Variants in WWC1 observed in about 807,000 individuals in gnomAD.
WWC1 encodes protein KIBRA.
A neutral mutation model predicts 138.4 loss-of-function variants in WWC1; 55 were observed. The ratio of observed to expected loss-of-function variants is 0.40; its 90% CI spans 0.32 to 0.50. The LOEUF is 0.50. Among genes scored for constraint, WWC1 ranks in the 20% least tolerant of loss-of-function variants. The pLI, the probability that WWC1 is intolerant of heterozygous loss-of-function variation, is 0.72. For missense variants in WWC1, 1,226 were observed against 1,420.4 expected (o/e 0.86, Z 2.20); for synonymous variants, 524 against 564.9 (o/e 0.93, Z 1.03).
chr5:168,319,321 G>A (rs896885275), intron 1 of WWC1, among the ~76,000 whole-genome samples: 1 of 152,110 alleles, frequency 6.6e-6, no homozygotes, highest in African/African-American at 2.4e-5. Flanking sequence ...TCGGGAGGCC[G>A]AGGCAGGAGA....
chr5:168,441,171 G>A (rs999179650), intron 15 of WWC1, among the ~76,000 whole-genome samples: 1 of 152,130 alleles, frequency 6.6e-6, no homozygotes, highest in African/African-American at 2.4e-5. Context: ...GTCACAAAAA[G>A]ACAAATGCTA....
intron 17 of WWC1, among the ~76,000 whole-genome samples, chr5:168,450,433 C>T (rs12651767): frequency 0.32 from 48,785 of 151,894 alleles, 9,497 homozygotes; most frequent in African/African-American, 0.53. Flanking sequence ...TTTGGGAGGC[C>T]GAGGTGGGTG....
chr5:168,351,868 T>A (rs1460091374), intron 1 of WWC1, among the ~76,000 whole-genome samples: 7 of 152,166 alleles, frequency 4.6e-5, no homozygotes, highest in Non-Finnish European at 1.0e-4. Flanking sequence ...CACTCAGAAC[T>A]GAGACGGGTG....
At chr5:168,367,426 G>A (rs1419343193) in intron 1 of WWC1, among the ~76,000 whole-genome samples, 1 of 151,754 alleles carries the variant, frequency 6.6e-6, no homozygotes, top group African/African-American at 2.4e-5. Flanking sequence ...CCGCCTCCCG[G>A]GTTCACGCCA....
chr5:168,418,875 G>A (rs1032008446), intron 9 of WWC1, among the ~76,000 whole-genome samples: 5 of 152,046 alleles, frequency 3.3e-5, no homozygotes, highest in African/African-American at 9.7e-5. Flanking sequence ...TGTTTATTAC[G>A]GGTTCCATCT....
intron 1 of WWC1, among the ~76,000 whole-genome samples, chr5:168,336,623 A>G (rs1196820225): frequency 1.3e-5 from 2 of 150,408 alleles, no homozygotes; most frequent in Non-Finnish European, 2.9e-5. Flanking sequence ...CATCCTCCTC[A>G]GGACCCCGGC....
In WWC1 at chr5:168,385,288, G is replaced by A. The variant is rs1777956364; in HGVS notation, c.307G>A (p.Ala103Thr). ...EHMLKDYLVVAQEALSAQKEI... is the reference protein window; with the variant it reads ...EHMLKDYLVVTQEALSAQKEI... ...TATGCTGAAGGATTACCTGGTGGTGGCCCAGGAGGCTCTGAGTGCACAAAA... is the reference window on the plus strand; with the variant it reads ...TATGCTGAAGGATTACCTGGTGGTGACCCAGGAGGCTCTGAGTGCACAAAA... Residue 103 changes from alanine to threonine, a missense_variant, in exon 3 of 23, where the codon GCC becomes ACC. Ala to Thr is a moderately conservative substitution (Grantham distance 58). This residue lies in a region of WWC1 where 1,016 missense variants were observed against 1,153.9 expected (regional missense o/e 0.88). Transcript: ENST00000265293. 6.2e-7 allele frequency: 1 copy of A among 1,614,052 alleles called. No individual in the cohort carries two copies. The highest frequency in any genetic ancestry group is 8.5e-7 in the Non-Finnish European group (1 of 1,180,000).
intron 1 of WWC1, among the ~76,000 whole-genome samples, chr5:168,327,177 G>T (rs865843157): frequency 3.3e-5 from 5 of 152,316 alleles, no homozygotes; most frequent in Middle Eastern, 3.4e-3. Flanking sequence ...AATTGCTCAT[G>T]GTTCTCCAGT....
At position 168,328,949 on chromosome 5, in the gene WWC1, C is replaced by T. The variant is rs542059304; in HGVS notation, c.119+36678C>T. On this transcript the variant is annotated intron_variant, in intron 1 of 22. Coordinates refer to ENST00000265293, the MANE Select transcript of WWC1 (RefSeq NM_015238.3). The stretch of plus-strand genomic sequence containing the variant: ...CCTCAGTCAGCACAGCTGGCATCCA[C>T]CTGTCTGGGCTCCACCCCTCATCCA... Among the ~76,000 whole-genome samples the T allele has an allele frequency of 9.2e-5, 14 of 152,338 alleles. No homozygotes were observed. The East Asian group carries it at 2.7e-3, about 29-fold the overall frequency.
At chr5:168,438,205 T>G (rs1018456374) in intron 15 of WWC1, among the ~76,000 whole-genome samples, 1 of 152,118 alleles carries the variant, frequency 6.6e-6, no homozygotes, top group Non-Finnish European at 1.5e-5. Flanking sequence ...GTCCCAGACC[T>G]AGCACAGCCC....
In WWC1 at chr5:168,316,121, A is replaced by G. The variant is rs77362646; in HGVS notation, c.119+23850A>G. On this transcript the variant is annotated intron_variant, in intron 1 of 22. Transcript: ENST00000265293. Reference sequence around the variant, plus strand: ...GAACTATTGGACCATGAAACTCCCAAGAGTCCTTCCCCCTCAGCGTTTCTC... The same window carrying G: ...GAACTATTGGACCATGAAACTCCCAGGAGTCCTTCCCCCTCAGCGTTTCTC... Among the ~76,000 whole-genome samples, 366 of 152,270 alleles carry G rather than the reference A, an allele frequency of 2.4e-3. 14 individuals carry two copies. The East Asian group carries it at 0.064, about 26-fold the overall frequency.
chr5:168,322,974 G>T (rs974782598), intron 1 of WWC1, among the ~76,000 whole-genome samples: 2 of 152,196 alleles, frequency 1.3e-5, no homozygotes, highest in African/African-American at 4.8e-5. Flanking sequence ...ACAGTGTCCA[G>T]CCAACAGTAG....
At chr5:168,394,453 G>A (rs546473214) in intron 3 of WWC1, among the ~76,000 whole-genome samples, 43 of 152,218 alleles carry the variant, frequency 2.8e-4, no homozygotes, top group African/African-American at 7.7e-4. Context: ...GGGGCCGGGC[G>A]TGGTGGCTCA....
At chr5:168,297,626 C>CAAAAAAA (rs70976474) in intron 1 of WWC1, among the ~76,000 whole-genome samples, 6 of 54,770 alleles carry the variant, frequency 1.1e-4, no homozygotes, top group Non-Finnish European at 1.9e-4. Flanking sequence ...AACTCCATCT[C>CAAAAAAA]AAAAAAAAAA....
At chr5:168,370,468 A>G (rs754072149) in intron 1 of WWC1, among the ~76,000 whole-genome samples, 1 of 152,214 alleles carries the variant, frequency 6.6e-6, no homozygotes, top group South Asian at 2.1e-4. Flanking sequence ...TATAGAAAGA[A>G]TCTGAAGCAG....
intron 5 of WWC1, among the ~76,000 whole-genome samples, chr5:168,403,063 TTTC>T (rs1164187065): frequency 2.9e-4 from 36 of 123,444 alleles, no homozygotes; most frequent in Non-Finnish European, 4.8e-4. Flanking sequence ...TCTTTCTTTC[TTTC>T]TTTCTTTCTT....
intron 15 of WWC1, among the ~76,000 whole-genome samples, chr5:168,439,956 A>G (rs1754603261): frequency 6.6e-6 from 1 of 152,138 alleles, no homozygotes; most frequent in Non-Finnish European, 1.5e-5. Flanking sequence ...ACAGTTTTCT[A>G]CCTCACTTGG....
chr5:168,386,193 T>C (rs1369926981), intron 3 of WWC1, among the ~76,000 whole-genome samples: 1 of 152,056 alleles, frequency 6.6e-6, no homozygotes, highest in Non-Finnish European at 1.5e-5. Context: ...CAGAAGCCTC[T>C]CTTCCTCAAC....
intron 19 of WWC1, among the ~76,000 whole-genome samples, chr5:168,459,871 C>T (rs1756650961): frequency 6.6e-6 from 1 of 152,130 alleles, no homozygotes; most frequent in African/African-American, 2.4e-5. Flanking sequence ...AAGAAATCCC[C>T]ACTCTGCTCC....
Sources: allele counts gnomAD v4.1 joint callset (sites outside exome capture counted in the v4.1 genomes callset), GRCh38; gene constraint gnomAD v4.1.1; regional missense constraint gnomAD v4.1.1; transcripts MANE v1.5; gene names NCBI Gene and HGNC (gene_info 2026-07-23, HGNC 2026-07-21).